Variants in SOAT1 observed in about 807,000 individuals in gnomAD.
SOAT1 encodes sterol O-acyltransferase 1.
SOAT1 carries 55 observed loss-of-function variants against 69.5 expected under a neutral mutation model. The ratio of observed to expected loss-of-function variants is 0.79; its 90% CI spans 0.64 to 0.99. The LOEUF (loss-of-function observed/expected upper bound fraction) is 0.99, where lower values mean the gene tolerates loss of function less well. SOAT1 is among the 50% of genes least tolerant of loss of function. SOAT1 has a pLI of 0.00. For synonymous variants in SOAT1, 231 were observed against 224.7 expected (o/e 1.03, Z -0.25); for missense variants, 580 against 669.3 (o/e 0.87, Z 1.47).
At chr1:179,322,494 T>C (rs1665636486) in intron 2 of SOAT1, among the ~76,000 whole-genome samples, 1 of 152,080 alleles carries the variant, frequency 6.6e-6, no homozygotes, top group Non-Finnish European at 1.5e-5. Context: ...GTGATTCTCC[T>C]GCCTCAGCCT....
At chr1:179,321,519 T>C (rs1324669673) in intron 2 of SOAT1, among the ~76,000 whole-genome samples, 1 of 152,184 alleles carries the variant, frequency 6.6e-6, no homozygotes, top group Non-Finnish European at 1.5e-5. Flanking sequence ...CTGTATAACA[T>C]AATGATTTCC....
intron 3 of SOAT1, among the ~76,000 whole-genome samples, chr1:179,332,753 T>G (rs182131561): frequency 6.6e-6 from 1 of 152,362 alleles, no homozygotes; most frequent in East Asian, 1.9e-4. Context: ...CATACTGAGT[T>G]CTAATTAACA....
intron 4 of SOAT1, among the ~76,000 whole-genome samples, 191 bp downstream of exon 4, chr1:179,335,848 A>G (rs1389807461): frequency 1.3e-5 from 2 of 152,166 alleles, no homozygotes; most frequent in Non-Finnish European, 2.9e-5. Flanking sequence ...ATAAATTATA[A>G]CATACATGCA....
In SOAT1 at chr1:179,341,098, A is replaced by G. The variant is rs777266522; in HGVS notation, c.568A>G (p.Ile190Val). ...KFPTVVWTWW[I>V]MFLSTFSVPY... Reference sequence around the variant, plus strand: ...TCCTACCGTTGTTTGGACCTGGTGGATCATGTTCCTGTCTACATTTTCAGT... The same window carrying G: ...TCCTACCGTTGTTTGGACCTGGTGGGTCATGTTCCTGTCTACATTTTCAGT... Residue 190 changes from isoleucine to valine, a missense_variant, in exon 7 of 16, where the codon ATC becomes GTC. Transcript: ENST00000367619. 4.3e-6 allele frequency: 7 copies of G among 1,614,020 alleles called. No individual in the cohort carries two copies. In the Admixed American group the frequency reaches 5.0e-5, roughly 12 times the overall value.
intron 11 of SOAT1, 84 bp downstream of exon 11, chr1:179,345,160 C>A: frequency 1.4e-6 from 2 of 1,391,006 alleles, no homozygotes; most frequent in Non-Finnish European, 2.0e-6. Context: ...CTTTGCTTTG[C>A]CTACTTTTTC....
intron 5 of SOAT1, among the ~76,000 whole-genome samples, chr1:179,339,034 A>G (rs1289879077): frequency 6.6e-6 from 1 of 152,160 alleles, no homozygotes; most frequent in Non-Finnish European, 1.5e-5. Context: ...GAGAAGGTAA[A>G]ATCTTTGTAA....
intron 11 of SOAT1, 37 bp from the exon 12 acceptor site, chr1:179,347,563 T>G: frequency 8.1e-7 from 1 of 1,234,878 alleles, no homozygotes; most frequent in Non-Finnish European, 1.2e-6. Context: ...TGTGAGCTAT[T>G]TGGAAAGACT....
At chr1:179,306,445 ACTG>A (rs901194769) in intron 2 of SOAT1, among the ~76,000 whole-genome samples, 5 of 152,160 alleles carry the variant, frequency 3.3e-5, no homozygotes, top group African/African-American at 1.2e-4. Flanking sequence ...TCCTTCTTTT[ACTG>A]CTGCTAAGGT....
chr1:179,335,886 C>G (rs1010938855), intron 4 of SOAT1, among the ~76,000 whole-genome samples: 1 of 152,156 alleles, frequency 6.6e-6, no homozygotes, highest in African/African-American at 2.4e-5. Flanking sequence ...ATGCCGGGCA[C>G]AGTGGCTCAC....
In SOAT1 at chr1:179,348,839, C is replaced by T. The variant is rs775849514; in HGVS notation, c.1216-5C>T. 6.5e-6 allele frequency: 10 copies of T among 1,539,292 alleles called. No homozygotes were observed. The Admixed American group carries it at 1.3e-4, about 21-fold the overall frequency. On this transcript the variant is annotated splice_polypyrimidine_tract_variant and splice_region_variant and intron_variant, in intron 12 of 15. Transcript: ENST00000367619. ...GTAGTTTTATACCTTTACTTTTTCC[C>T]TCAGGATTGGTGGAACTCCACGTCA... is the stretch of plus-strand genomic sequence containing the variant.
intron 15 of SOAT1, among the ~76,000 whole-genome samples, chr1:179,353,280 G>T (rs961684251): frequency 1.1e-5 from 1 of 91,194 alleles, no homozygotes; most frequent in Non-Finnish European, 2.3e-5. Context: ...GTAGGGCTGT[G>T]CTAAAATAAA....
intron 2 of SOAT1, among the ~76,000 whole-genome samples, chr1:179,321,414 C>T (rs1401737710): frequency 6.6e-6 from 1 of 152,184 alleles, no homozygotes; most frequent in East Asian, 1.9e-4. Flanking sequence ...AACTGATCCT[C>T]CCCACTTGGC....
intron 2 of SOAT1, 123 bp from the exon 3 acceptor site, chr1:179,323,314 A>G (rs746071276): frequency 3.0e-5 from 21 of 695,142 alleles, no homozygotes; most frequent in Non-Finnish European, 4.8e-5. Flanking sequence ...GTCGTGTTTT[A>G]TGGTTGCACC....
chr1:179,343,074 C>T lies in SOAT1; in HGVS notation c.941+131C>T, dbSNP rs1215786938. ...GAATGAGTTTTCATTTTCTGTCTGA[C>T]CTGAGAAGCCTCAAATGGTGAGTAG... On this transcript the variant is annotated intron_variant, in intron 9 of 15. Transcript: ENST00000367619. 4.2e-5 allele frequency: 28 copies of T among 663,566 alleles called. No individual in the cohort carries two copies. In the Admixed American group the frequency reaches 6.3e-4, roughly 15 times the overall value. 41.1% of individuals were successfully genotyped at this position (663,566 alleles called of 1,614,324 possible).
intron 2 of SOAT1, among the ~76,000 whole-genome samples, chr1:179,314,207 C>G (rs1258948867): frequency 6.6e-6 from 1 of 152,176 alleles, no homozygotes; most frequent in Admixed American, 6.5e-5. Context: ...CTGTATTGTC[C>G]TTTTCCCTAT....
chr1:179,323,108 G>A (rs758957522), intron 2 of SOAT1, among the ~76,000 whole-genome samples: 3 of 125,074 alleles, frequency 2.4e-5, no homozygotes, highest in African/African-American at 6.1e-5. Context: ...AAAGGTTTTC[G>A]TTTTTTAATA....
chr1:179,328,855 A>G (rs1029334621), intron 3 of SOAT1, among the ~76,000 whole-genome samples: 7 of 151,770 alleles, frequency 4.6e-5, no homozygotes, highest in Non-Finnish European at 1.0e-4. Context: ...ACCAGCCTGG[A>G]CAACATGGCA....
At chr1:179,344,288 G>T (rs1265685733) in intron 10 of SOAT1, among the ~76,000 whole-genome samples, 3 of 146,254 alleles carry the variant, frequency 2.1e-5, no homozygotes, top group African/African-American at 7.5e-5. Context: ...AATCCTGGAA[G>T]ATCCCATTTT....
chr1:179,320,098 A>G (rs777636206), intron 2 of SOAT1, among the ~76,000 whole-genome samples: 17 of 151,984 alleles, frequency 1.1e-4, no homozygotes, highest in Non-Finnish European at 1.5e-5. Flanking sequence ...TAGTTTTTCT[A>G]TATTTTCTAA....
Sources: gnomAD v4.1 joint callset for allele counts (sites outside exome capture counted in the v4.1 genomes callset) on GRCh38, gnomAD v4.1.1 for gene constraint, MANE v1.5 for transcripts, NCBI Gene and HGNC (gene_info 2026-07-23, HGNC 2026-07-21) for gene names.